RUBCNL: variants seen among roughly 807,000 people sequenced by gnomAD.
RUBCNL encodes the protein protein associated with UVRAG as autophagy enhancer.
In RUBCNL, 62 loss-of-function variants were observed where a neutral mutation model predicts 69.5. That is an observed-to-expected ratio of 0.89 (90% CI 0.73 to 1.10). The LOEUF is 1.10. Among genes scored for constraint, RUBCNL ranks in the 50% least tolerant of loss-of-function variants. The probability of loss-of-function intolerance (pLI) is 0.00; values close to 1 mark genes in which losing one functional copy is unlikely to be tolerated. For synonymous variants in RUBCNL, 291 were observed against 303.6 expected (o/e 0.96, Z 0.43); for missense variants, 768 against 798.1 (o/e 0.96, Z 0.45).
At chr13:46,384,595 A>G (rs2138858867) in intron 1 of RUBCNL, among the ~76,000 whole-genome samples, 1 of 152,248 alleles carries the variant, frequency 6.6e-6, no homozygotes, top group African/African-American at 2.4e-5. Context: ...TCTAATTTAC[A>G]TTTACTTCTT....
intron 3 of RUBCNL, 24 bp downstream of exon 3, chr13:46,371,917 A>T: frequency 6.2e-7 from 1 of 1,610,768 alleles, no homozygotes; most frequent in Non-Finnish European, 8.5e-7. Context: ...GAGAGGAATG[A>T]GGGAGGTCAC....
In RUBCNL at chr13:46,372,049, G is replaced by A. The variant is rs1181970449; in HGVS notation, c.427C>T (p.His143Tyr). ...GGGCTTGTGGGCAGAGACACCCGAT[G>A]AGAGTATCCTGGGCGGACCATGTGT... ...EVHMVRPGYS[H>Y]RVSLPTSPGI... Residue 143 changes from histidine to tyrosine, a missense_variant, in exon 3 of 15, where the codon CAT becomes TAT. His to Tyr is a moderately conservative substitution (Grantham distance 83, BLOSUM62 2). Coordinates refer to ENST00000429979, the MANE Select transcript of RUBCNL (RefSeq NM_025113.5). 2 of 1,614,028 alleles carry A rather than the reference G, an allele frequency of 1.2e-6. No individual in the cohort carries two copies. The highest frequency in any genetic ancestry group is 1.7e-5 in the Admixed American group (1 of 60,034).
intron 2 of RUBCNL, among the ~76,000 whole-genome samples, chr13:46,375,251 G>A (rs2048964048): frequency 6.6e-6 from 1 of 152,212 alleles, no homozygotes; most frequent in South Asian, 2.1e-4. Context: ...CTAGAGAAAA[G>A]ACCGGGCGCA....
At chr13:46,344,981 G>A in intron 13 of RUBCNL, 150 bp from the exon 14 acceptor site, 1 of 608,436 alleles carries the variant, frequency 1.6e-6, no homozygotes, top group East Asian at 2.8e-5. Flanking sequence ...CAATGAATGG[G>A]TCAGAATCAA....
At position 46,372,357 on chromosome 13, in the gene RUBCNL, C is replaced by A. The variant is rs747468162; in HGVS notation, c.119G>T (p.Cys40Phe). 32 of 1,613,916 alleles carry A rather than the reference C, an allele frequency of 2.0e-5. No individual in the cohort carries two copies. Among genetic ancestry groups the A allele is most frequent in the African/African-American group, 4.0e-5 (3 of 75,016 alleles). ...PRLLNTDHPP[C>F]QLDIRLMRHK... The stretch of plus-strand genomic sequence containing the variant: ...CCTCATGAGCCTGATGTCTAATTGG[C>A]AAGGAGGATGGTCAGTGTTCAGGAG... The change falls in exon 3 of 15, where the codon TGC becomes TTC. Residue 40 changes from cysteine to phenylalanine, a missense_variant. Cys to Phe is a radical substitution (Grantham distance 205). Coordinates refer to ENST00000429979, the MANE Select transcript of RUBCNL (RefSeq NM_025113.5).
intron 10 of RUBCNL, among the ~76,000 whole-genome samples, chr13:46,353,568 G>A (rs987177385): frequency 4.6e-5 from 7 of 152,140 alleles, no homozygotes; most frequent in Admixed American, 3.3e-4. Flanking sequence ...AATGTCTGGC[G>A]CCATTTTCAG....
intron 8 of RUBCNL, 52 bp from the exon 9 acceptor site, chr13:46,359,683 TTTAAA>T (rs1287062770): frequency 1.1e-5 from 15 of 1,428,236 alleles, no homozygotes; most frequent in African/African-American, 7.2e-5. Context: ...TTTCAAAGAA[TTTAAA>T]TTAAAGAAAC....
intron 1 of RUBCNL, among the ~76,000 whole-genome samples, chr13:46,386,445 A>C (rs2049245639): frequency 6.6e-6 from 1 of 152,138 alleles, no homozygotes; most frequent in African/African-American, 2.4e-5. Context: ...TTTTCACTCA[A>C]GGCGAAATAA....
At chr13:46,360,087 A>C (rs188008471) in intron 8 of RUBCNL, among the ~76,000 whole-genome samples, 2 of 152,276 alleles carry the variant, frequency 1.3e-5, no homozygotes, top group East Asian at 3.9e-4. Context: ...TCCTACTGTC[A>C]TTTAAAATCC....
At chr13:46,388,338 A>C (rs1231772612), upstream of RUBCNL, among the ~76,000 whole-genome samples, 7 of 145,162 alleles carry the variant, frequency 4.8e-5, no homozygotes, top group Non-Finnish European at 9.1e-5. Flanking sequence ...ACCTAAGCCA[A>C]GGAAGGAAGG....
chr13:46,361,343 T>C lies in RUBCNL; in HGVS notation c.1119+98A>G, dbSNP rs371667129. 17 of 1,304,530 alleles carry C rather than the reference T, an allele frequency of 1.3e-5. No homozygotes were observed. The East Asian group carries it at 3.6e-4, about 27-fold the overall frequency. 80.8% of individuals were successfully genotyped at this position (1,304,530 alleles called of 1,614,324 possible). On this transcript the variant is annotated intron_variant, in intron 8 of 14. Transcript: ENST00000429979. ...ATTTTGAGTCTCCCCTAATATCCAG[T>C]GACCATACAAGGAAAGACAAATGTT...
At chr13:46,343,911 T>C (rs1012978846) in intron 14 of RUBCNL, among the ~76,000 whole-genome samples, 2 of 152,036 alleles carry the variant, frequency 1.3e-5, no homozygotes, top group Non-Finnish European at 2.9e-5. Context: ...GATCACTATA[T>C]AGTGAGTAGG....
At chr13:46,388,754 A>G (rs2049302965), upstream of RUBCNL, among the ~76,000 whole-genome samples, 1 of 152,176 alleles carries the variant, frequency 6.6e-6, no homozygotes, top group Non-Finnish European at 1.5e-5. Flanking sequence ...GTCCTTTGTC[A>G]TTTCCAGGAT....
At chr13:46,365,755 G>T (rs193043248) in intron 5 of RUBCNL, among the ~76,000 whole-genome samples, 1 of 152,314 alleles carries the variant, frequency 6.6e-6, no homozygotes, top group East Asian at 1.9e-4. Flanking sequence ...TAAAAGGCAG[G>T]AAGCAGCTGG....
Position 46,339,278 on chromosome 13 carries a change from C to G in RUBCNL, c.*4107G>C, listed in dbSNP as rs1339048873. On this transcript the variant is annotated 3_prime_UTR_variant, in exon 15 of 15. Coordinates refer to ENST00000429979, the MANE Select transcript of RUBCNL (RefSeq NM_025113.5). Reference sequence around the variant, plus strand: ...TTTCTAGTGAAGTGAAAAAGGGGAACTACGGTTTTCCTTCCCATACCAGTT... The same window carrying G: ...TTTCTAGTGAAGTGAAAAAGGGGAAGTACGGTTTTCCTTCCCATACCAGTT... Among the ~76,000 whole-genome samples the G allele has an allele frequency of 3.9e-5, 6 of 152,130 alleles. No individual in the cohort carries two copies. The highest frequency in any genetic ancestry group is 2.0e-4 in the Admixed American group (3 of 15,272).
chr13:46,379,223 CCCGCCA>C (rs2049066000), intron 1 of RUBCNL, among the ~76,000 whole-genome samples: 1 of 152,076 alleles, frequency 6.6e-6, no homozygotes, highest in Non-Finnish European at 1.5e-5. Flanking sequence ...ATTACAGGTG[CCCGCCA>C]CCATGCCTGG....
chr13:46,340,284 CA>C lies in RUBCNL; in HGVS notation c.*3100del, dbSNP rs2048132592. Among the ~76,000 whole-genome samples, 1 of 152,186 alleles carries C rather than the reference CA, an allele frequency of 6.6e-6. No individual in the cohort carries two copies. The highest frequency in any genetic ancestry group is 6.5e-5 in the Admixed American group (1 of 15,276). ...CTTTCATGGGACACAATTCAACCCA[CA>C]ACAGTAGCTATTGTTCTAATCCTTG... On this transcript the variant is annotated 3_prime_UTR_variant, in exon 15 of 15. Transcript: ENST00000429979.
At chr13:46,386,644 T>A (rs1240425216) in intron 1 of RUBCNL, among the ~76,000 whole-genome samples, 1 of 151,994 alleles carries the variant, frequency 6.6e-6, no homozygotes, top group African/African-American at 2.4e-5. Flanking sequence ...CCGGACCAAA[T>A]AACACGCCGC....
At chr13:46,345,103 C>T (rs1232556613) in intron 13 of RUBCNL, among the ~76,000 whole-genome samples, 1 of 152,200 alleles carries the variant, frequency 6.6e-6, no homozygotes, top group Non-Finnish European at 1.5e-5. Flanking sequence ...TTTCATTTAT[C>T]ATTGCTGCAC....
Sources: gnomAD v4.1 joint callset for allele counts (sites outside exome capture counted in the v4.1 genomes callset) on GRCh38, gnomAD v4.1.1 for gene constraint, MANE v1.5 for transcripts, NCBI Gene and HGNC (gene_info 2026-07-23, HGNC 2026-07-21) for gene names.